The following CACNA1B variants were observed in gnomAD, a reference collection of about 807,000 sequenced individuals.
CACNA1B encodes calcium voltage-gated channel subunit alpha1 B.
A neutral mutation model predicts 247.2 loss-of-function variants in CACNA1B; 70 were observed. That is an observed-to-expected ratio of 0.28 (90% CI 0.23 to 0.35). CACNA1B has a LOEUF of 0.35. CACNA1B is among the 10% of genes least tolerant of loss of function. CACNA1B has a pLI of 1.00. For synonymous variants in CACNA1B, 1,231 were observed against 1,294.4 expected (o/e 0.95, Z 1.05); for missense variants, 2,367 against 3,197.4 (o/e 0.74, Z 6.26).
chr9:138,002,750 T>A (rs1433700719), intron 15 of CACNA1B, among the ~76,000 whole-genome samples: 1 of 151,848 alleles, frequency 6.6e-6, no homozygotes, highest in African/African-American at 2.4e-5. Context: ...ATCTTTATGA[T>A]CTTGGATGGA....
rs146622668 is a variant in CACNA1B, at chr9:137,938,079, C to T, written c.967-14195C>T. ...AGCAGATTTCCCAACAGAAACACTA[C>T]AAGCTAGAAGGGATTGGGGCTCTAT... On this transcript the variant is annotated intron_variant, in intron 6 of 46. Transcript: ENST00000371372. Among the ~76,000 whole-genome samples, 7 of 149,070 alleles carry T rather than the reference C, an allele frequency of 4.7e-5. No individual in the cohort carries two copies. In the East Asian group the frequency reaches 1.4e-3, roughly 30 times the overall value.
chr9:138,030,472 A>C (rs181502324), intron 20 of CACNA1B, among the ~76,000 whole-genome samples: 12 of 152,152 alleles, frequency 7.9e-5, no homozygotes, highest in Admixed American at 2.0e-4. Context: ...ATGTTGCTGA[A>C]TTCTATTTGC....
intron 19 of CACNA1B, among the ~76,000 whole-genome samples, chr9:138,024,749 C>T (rs1416364552): frequency 5.3e-5 from 8 of 152,190 alleles, no homozygotes; most frequent in Non-Finnish European, 1.0e-4. Flanking sequence ...CCACCTCAGC[C>T]TTCCCAGCCT....
Position 138,073,997 on chromosome 9 carries a change from G to T in CACNA1B, c.4792-4G>T, listed in dbSNP as rs201684746. ...CTGTAGCTGACCGGCCCCTGTCTCC[G>T]CAGGCCCTGCCCTACGTGTGTCTGC... is the stretch of plus-strand genomic sequence containing the variant. On this transcript the variant is annotated splice_region_variant and splice_polypyrimidine_tract_variant and intron_variant, in intron 33 of 46. Transcript: ENST00000371372. The surrounding 1 kb of genome is among the most constrained non-coding windows in gnomAD (Gnocchi z 6.4). 2 of 1,610,630 alleles carry T rather than the reference G, an allele frequency of 1.2e-6. No homozygotes were observed.
chr9:138,018,082 C>T lies in CACNA1B; in HGVS notation c.2267+4847C>T, dbSNP rs1428059584. 3.0e-3 allele frequency among the ~76,000 whole-genome samples: 34 copies of T among 11,208 alleles called. 1 individual carries two copies. The highest frequency in any genetic ancestry group is 1.0e-2 in the African/African-American group (33 of 3,308). The allele number at this position is 11,208 out of a possible 152,430, so 7.4% of individuals were successfully genotyped here. A position where few individuals can be genotyped will look rare whatever the true frequency, so the allele number is the denominator to read the frequency against. ...AGGCCACCTGCCCTGATGGAAGTGGCCAGGTGCAGTTAGGCCACCTGCCCT... is the reference window on the plus strand; with the variant it reads ...AGGCCACCTGCCCTGATGGAAGTGGTCAGGTGCAGTTAGGCCACCTGCCCT... On this transcript the variant is annotated intron_variant, in intron 18 of 46. Transcript: ENST00000371372.
intron 6 of CACNA1B, among the ~76,000 whole-genome samples, chr9:137,934,091 GAT>G (rs1957637202): frequency 6.6e-6 from 1 of 152,144 alleles, no homozygotes; most frequent in African/African-American, 2.4e-5. Context: ...TCCAGCTTAC[GAT>G]AAGTATGCAA....
chr9:138,104,574 C>A (rs1961360707), intron 38 of CACNA1B, among the ~76,000 whole-genome samples: 1 of 152,218 alleles, frequency 6.6e-6, no homozygotes, highest in Non-Finnish European at 1.5e-5. Context: ...CAGAGTCAGG[C>A]TCATGTCTCC....
Position 138,073,679 on chromosome 9 carries a change from C to T in CACNA1B, c.4791+75C>T. On this transcript the variant is annotated intron_variant, in intron 33 of 46. Coordinates refer to ENST00000371372, the MANE Select transcript of CACNA1B (RefSeq NM_000718.4). The surrounding 1 kb of genome is among the most constrained non-coding windows in gnomAD (Gnocchi z 6.4). ...GCTTCCCCTGCCCCCACCACAGTGGCCCCTCCTTTGGGAGGCTGGGAGAGG... is the reference window on the plus strand; with the variant it reads ...GCTTCCCCTGCCCCCACCACAGTGGTCCCTCCTTTGGGAGGCTGGGAGAGG... 1.1e-6 allele frequency: 1 copy of T among 881,840 alleles called. No individual in the cohort carries two copies. The highest frequency in any genetic ancestry group is 1.9e-6 in the Non-Finnish European group (1 of 520,770). The allele number at this position is 881,840 out of a possible 1,614,324, so 54.6% of individuals were successfully genotyped here.
chr9:137,909,626 C>T (rs764224342), intron 3 of CACNA1B, among the ~76,000 whole-genome samples: 249 of 152,322 alleles, frequency 1.6e-3, no homozygotes, highest in Non-Finnish European at 2.7e-3. Context: ...TTGTGTTCCT[C>T]CCCTCTTCCG....
chr9:137,913,295 A>C lies in CACNA1B; in HGVS notation c.622+24A>C, dbSNP rs2133277526. Reference sequence around the variant, plus strand: ...AAGTGAGTCCAGCGAAGACAGGCCCAAGCCGGCTTGGAGTAACAACCTCCT... The same window carrying C: ...AAGTGAGTCCAGCGAAGACAGGCCCCAGCCGGCTTGGAGTAACAACCTCCT... On this transcript the variant is annotated intron_variant, in intron 4 of 46. Transcript: ENST00000371372. The surrounding 1 kb of genome is among the most constrained non-coding windows in gnomAD (Gnocchi z 5.2). The C allele has an allele frequency of 6.3e-7, 1 of 1,589,010 alleles. No homozygotes were observed. The highest frequency in any genetic ancestry group is 2.2e-5 in the East Asian group (1 of 44,718).
intron 12 of CACNA1B, among the ~76,000 whole-genome samples, chr9:137,983,065 C>T (rs1339457517): frequency 6.6e-6 from 1 of 152,168 alleles, no homozygotes; most frequent in Non-Finnish European, 1.5e-5. Context: ...GCATATTCAT[C>T]GTTCTCTCAG....
rs1180035912 is a variant in CACNA1B at position 137,899,571 on chromosome 9, T to G, written c.531-13609T>G. ...TTGGAGCAGGCTAGGTGGCTCCCAC[T>G]TCTTGGCCTGTTAGAGCAGGGACTG... On this transcript the variant is annotated intron_variant, in intron 3 of 46. Transcript: ENST00000371372. The surrounding 1 kb of genome is among the most constrained non-coding windows in gnomAD (Gnocchi z 5.0). Among the ~76,000 whole-genome samples, 1 of 152,192 alleles carries G rather than the reference T, an allele frequency of 6.6e-6. No homozygotes were observed. Among genetic ancestry groups the G allele is most frequent in the Non-Finnish European group, 1.5e-5 (1 of 68,018 alleles).
chr9:138,041,400 C>G (rs1423544504), intron 20 of CACNA1B, among the ~76,000 whole-genome samples: 1 of 152,216 alleles, frequency 6.6e-6, no homozygotes, highest in Non-Finnish European at 1.5e-5. Context: ...CTCTTCCTTT[C>G]TGTATTCCCC....
At chr9:138,041,067 A>G (rs1959114581) in intron 20 of CACNA1B, among the ~76,000 whole-genome samples, 1 of 152,190 alleles carries the variant, frequency 6.6e-6, no homozygotes, top group South Asian at 2.1e-4. Context: ...ATTATCTCCA[A>G]ATTCCCCCTA....
intron 3 of CACNA1B, among the ~76,000 whole-genome samples, chr9:137,912,949 C>T (rs574001466): frequency 1.3e-5 from 2 of 152,206 alleles, no homozygotes; most frequent in South Asian, 2.1e-4. Flanking sequence ...TTCCTGTGAG[C>T]GCTTCTGGAT....
In CACNA1B at chr9:138,014,255, C is replaced by T. The variant is rs1414946923; in HGVS notation, c.2267+1020C>T. 6.6e-6 allele frequency among the ~76,000 whole-genome samples: 1 copy of T among 152,120 alleles called. No homozygotes were observed. The highest frequency in any genetic ancestry group is 2.4e-5 in the African/African-American group (1 of 41,422). On this transcript the variant is annotated intron_variant, in intron 18 of 46. Transcript: ENST00000371372. The surrounding 1 kb of genome is among the most constrained non-coding windows in gnomAD (Gnocchi z 6.2). ...GTGCACTTGAGAGTTGCACAGTGAG[C>T]ATGTGTGTGAGTGCATGTGCTGAGT...
Position 138,121,365 on chromosome 9 carries a change from C to T in CACNA1B, c.6490-104C>T, listed in dbSNP as rs1048687757. ...GTTGTCCCCCATTGCCTCCCTCTCT[C>T]CTCCCATCCCCCCAGGCACCTGTGT... On this transcript the variant is annotated intron_variant, in intron 46 of 46. Coordinates refer to ENST00000371372, the MANE Select transcript of CACNA1B (RefSeq NM_000718.4). The surrounding 1 kb of genome is among the most constrained non-coding windows in gnomAD (Gnocchi z 6.8). 1.0e-5 allele frequency: 9 copies of T among 888,360 alleles called. No individual in the cohort carries two copies. In the South Asian group the frequency reaches 1.5e-4, roughly 15 times the overall value. The allele number at this position is 888,360 out of a possible 1,614,324, so 55.0% of individuals were successfully genotyped here. A position where few individuals can be genotyped will look rare whatever the true frequency, so the allele number is the denominator to read the frequency against.
chr9:137,918,752 C>T (rs1247136919), intron 6 of CACNA1B, among the ~76,000 whole-genome samples: 1 of 152,158 alleles, frequency 6.6e-6, no homozygotes, highest in Non-Finnish European at 1.5e-5. Context: ...TTGCTAAATG[C>T]TTATTGAGCT....
Position 137,917,410 on chromosome 9 carries a change from C to G in CACNA1B, c.945C>G (p.Gly315=). ...LTVFQCITME[G]WTDILYNTND... ...TGTTCCAGTGCATCACCATGGAGGG[C>G]TGGACTGACATCCTCTATAATGTGA... The change falls in exon 6 of 47, where the codon GGC becomes GGG. Residue 315 remains glycine, a synonymous_variant. Transcript: ENST00000371372. The surrounding 1 kb of genome is among the most constrained non-coding windows in gnomAD (Gnocchi z 5.5). The G allele has an allele frequency of 6.2e-7, 1 of 1,613,796 alleles. No individual in the cohort carries two copies. The highest frequency in any genetic ancestry group is 8.5e-7 in the Non-Finnish European group (1 of 1,179,738).
Sources: gnomAD v4.1 joint callset for allele counts (sites outside exome capture counted in the v4.1 genomes callset) on GRCh38, gnomAD v4.1.1 for gene constraint, Gnocchi (gnomAD v3.1) non-coding constraint, MANE v1.5 for transcripts, NCBI Gene and HGNC (gene_info 2026-07-23, HGNC 2026-07-21) for gene names.